The following PIEZO1 variants were observed in gnomAD, a reference collection of about 807,000 sequenced individuals.
The protein encoded by PIEZO1 is piezo type mechanosensitive ion channel component 1 (Er blood group), also known as piezo-type mechanosensitive ion channel component 1.
In PIEZO1, 296 loss-of-function variants were observed where a neutral mutation model predicts 297.2. The observed-to-expected ratio is 1.00, with a 90% CI of 0.91 to 1.10. The LOEUF (loss-of-function observed/expected upper bound fraction) is 1.10. PIEZO1 is among the 50% of genes least tolerant of loss of function. PIEZO1 has a pLI of 0.00. For missense variants in PIEZO1, 5,018 were observed against 3,455.5 expected (o/e 1.45, Z -11.34); for synonymous variants, 2,427 against 1,507.5 (o/e 1.61, Z -14.13).
chr16:88,779,011 G>A (rs1394078767), intron 1 of PIEZO1, among the ~76,000 whole-genome samples: 2 of 150,592 alleles, frequency 1.3e-5, no homozygotes, highest in Non-Finnish European at 2.9e-5. Flanking sequence ...GTTAAAAAGG[G>A]AATTTAATCT....
chr16:88,766,322 G>A (rs1318619118), intron 1 of PIEZO1, among the ~76,000 whole-genome samples: 1 of 152,220 alleles, frequency 6.6e-6, no homozygotes, highest in East Asian at 1.9e-4. Context: ...TGAGCGCACA[G>A]CCTGGACTCG....
chr16:88,725,906 C>G, intron 27 of PIEZO1: 1 of 576,794 alleles, frequency 1.7e-6, no homozygotes, highest in Non-Finnish European at 3.1e-6. Context: ...TCTGGTGGCA[C>G]CCACCCCACC....
At chr16:88,749,184 G>A (rs1023390190) in intron 2 of PIEZO1, among the ~76,000 whole-genome samples, 200 bp downstream of exon 2, 1 of 151,804 alleles carries the variant, frequency 6.6e-6, no homozygotes, top group Non-Finnish European at 1.5e-5. Flanking sequence ...AGCCTGCAGT[G>A]AGCAGAGATC....
rs754121849 is a variant in PIEZO1, at chr16:88,742,393, G to A, written c.190C>T (p.Leu64=). 3.9e-6 allele frequency: 6 copies of A among 1,535,264 alleles called. No homozygotes were observed. The South Asian group carries it at 5.9e-5, about 15-fold the overall frequency. The change falls in exon 3 of 51, where the codon CTG becomes TTG. Residue 64 remains leucine (L), a synonymous_variant. Transcript: ENST00000301015. ...GHTGRLLRAL[L]GLSLLFLVAH... is the part of the protein sequence containing the mutation. ...ACCAGGAAGAGCAGGCTGAGGCCCAGCAATGCCCGCAGGAGGCGGCCTGTG... is the reference window on the plus strand; with the variant it reads ...ACCAGGAAGAGCAGGCTGAGGCCCAACAATGCCCGCAGGAGGCGGCCTGTG...
rs144716345 is a variant in PIEZO1, at chr16:88,730,427, G to A, written c.3196+1279C>T. On this transcript the variant is annotated intron_variant, in intron 22 of 50. Transcript: ENST00000301015. ...AGCCTGGCCAAGATGGTGAAACCCCGTCTCTACTAAAAATACAAAAATTAG... is the reference window on the plus strand; with the variant it reads ...AGCCTGGCCAAGATGGTGAAACCCCATCTCTACTAAAAATACAAAAATTAG... Among the ~76,000 whole-genome samples, 459 of 151,936 alleles carry A rather than the reference G, an allele frequency of 3.0e-3. 3 individuals are homozygous for A. Among genetic ancestry groups the A allele is most frequent in the African/African-American group, 0.011 (438 of 41,416 alleles).
chr16:88,726,073 C>G, intron 27 of PIEZO1: 1 of 589,876 alleles, frequency 1.7e-6, no homozygotes, highest in South Asian at 2.1e-5. Context: ...AGCACTGCAG[C>G]CTGTGGTCTC....
intron 1 of PIEZO1, among the ~76,000 whole-genome samples, chr16:88,773,214 G>C (rs1359495702): frequency 6.6e-6 from 1 of 152,264 alleles, no homozygotes; most frequent in Non-Finnish European, 1.5e-5. Context: ...GTAACTCCCG[G>C]CGTCACGCCC....
chr16:88,738,081 C>G lies in PIEZO1; in HGVS notation c.873G>C (p.Val291=). The G allele has an allele frequency of 6.5e-7, 1 of 1,535,842 alleles. No homozygotes were observed. Among genetic ancestry groups the G allele is most frequent in the Non-Finnish European group, 8.7e-7 (1 of 1,146,862 alleles). ...GGGGGCTGGAGCAGTTGGTGGGACC[C>G]ACGAAGTCCTTGAGACCCAGCACCC... is the stretch of plus-strand genomic sequence containing the variant. The part of the protein sequence containing the change: ...WARVLGLKDF[V]GPTNCSSPHA... Residue 291 remains valine, a synonymous_variant, in exon 8 of 51, where the codon GTG becomes GTC. Transcript: ENST00000301015.
At chr16:88,742,128 C>G (rs1411945537) in intron 3 of PIEZO1, 33 bp from the exon 4 acceptor site, 1 of 1,535,018 alleles carries the variant, frequency 6.5e-7, no homozygotes, top group Admixed American at 2.0e-5. Context: ...CCAGGTCAGG[C>G]TCTGCCCAGC....
Position 88,738,553 on chromosome 16 carries a change from T to G in PIEZO1, c.634+15A>C, listed in dbSNP as rs1214925541. On this transcript the variant is annotated intron_variant, in intron 6 of 50. Coordinates refer to ENST00000301015, the MANE Select transcript of PIEZO1 (RefSeq NM_001142864.4). ...TCCCAGTGTGACTGCCAGTGCCCCC[T>G]GCCTCGGTGCGTACCTGCCAGTGCA... The G allele has an allele frequency of 2.0e-6, 3 of 1,531,740 alleles. No homozygotes were observed. The East Asian group carries it at 7.4e-5, about 38-fold the overall frequency. The allele number at this position is 1,531,740 out of a possible 1,614,324, so 94.9% of individuals were successfully genotyped here.
chr16:88,734,670 G>C lies in PIEZO1; in HGVS notation c.1977C>G (p.Leu659=). ...CTCACTGCTCGTCGGTGAAGCCAGT[G>C]AGGTTGCGCCAGTAGGCAGGGAAGT... ...FQDFPAYWRN[L]TGFTDEQLGD... The change falls in exon 15 of 51, where the codon CTC becomes CTG. Residue 659 remains leucine (L), a synonymous_variant. Coordinates refer to ENST00000301015, the MANE Select transcript of PIEZO1 (RefSeq NM_001142864.4). The C allele has an allele frequency of 1.3e-6, 2 of 1,550,298 alleles. No homozygotes were observed. Among genetic ancestry groups the C allele is most frequent in the Non-Finnish European group, 1.7e-6 (2 of 1,146,922 alleles).
intron 2 of PIEZO1, among the ~76,000 whole-genome samples, chr16:88,748,932 CAAAA>C (rs869031857): frequency 4.4e-5 from 2 of 45,222 alleles, no homozygotes; most frequent in African/African-American, 1.0e-4. Context: ...GACTCGGTCT[CAAAA>C]AAAAAAAAAA....
At chr16:88,754,263 G>A (rs944972061) in intron 1 of PIEZO1, among the ~76,000 whole-genome samples, 1 of 152,092 alleles carries the variant, frequency 6.6e-6, no homozygotes, top group Non-Finnish European at 1.5e-5. Flanking sequence ...GGGTGTCCAA[G>A]GGCTGGGCTG....
In PIEZO1 at chr16:88,727,564, G is replaced by A. The variant is rs928734845; in HGVS notation, c.3294C>T (p.Asn1098=). 3 of 1,454,178 alleles carry A rather than the reference G, an allele frequency of 2.1e-6. No individual in the cohort carries two copies. The highest frequency in any genetic ancestry group is 2.8e-6 in the Non-Finnish European group (3 of 1,068,684). 90.1% of individuals were successfully genotyped at this position (1,454,178 alleles called of 1,614,324 possible). A position where few individuals can be genotyped will look rare whatever the true frequency, so the allele number is the denominator to read the frequency against. The part of the protein sequence containing the change: ...PDFFRAPNST[N]LISDFLLLLC... ...GTGGTGGGGGGCACTCACTGATGAG[G>A]TTGGTGGAGTTGGGGGCCCGGAAGA... The change falls in exon 23 of 51, where the codon AAC becomes AAT. Residue 1098 remains asparagine, a synonymous_variant. Transcript: ENST00000301015.
chr16:88,759,898 G>A (rs920382709), intron 1 of PIEZO1, among the ~76,000 whole-genome samples: 7 of 152,176 alleles, frequency 4.6e-5, no homozygotes, highest in Non-Finnish European at 8.8e-5. Context: ...GTGTGGGGAG[G>A]GGACCTGGGG....
Position 88,716,500 on chromosome 16 carries a change from A to G in PIEZO1, c.6927-17T>C. ...GCCAGGTCCCTGGGGGTGGGAACACAGCGTGACCCACTGTAGTGGGTCCAC... is the reference window on the plus strand; with the variant it reads ...GCCAGGTCCCTGGGGGTGGGAACACGGCGTGACCCACTGTAGTGGGTCCAC... On this transcript the variant is annotated splice_polypyrimidine_tract_variant and intron_variant, in intron 47 of 50. Coordinates refer to ENST00000301015, the MANE Select transcript of PIEZO1 (RefSeq NM_001142864.4). 1 of 1,542,070 alleles carries G rather than the reference A, an allele frequency of 6.5e-7. No individual in the cohort carries two copies. Among genetic ancestry groups the G allele is most frequent in the Non-Finnish European group, 8.8e-7 (1 of 1,142,078 alleles).
At chr16:88,759,732 G>A (rs551581172) in intron 1 of PIEZO1, among the ~76,000 whole-genome samples, 1 of 152,326 alleles carries the variant, frequency 6.6e-6, no homozygotes, top group East Asian at 1.9e-4. Context: ...AAGAAGGCTG[G>A]CAAGGTTGGC....
At chr16:88,722,542 C>A in intron 35 of PIEZO1, 41 bp downstream of exon 35, 1 of 1,456,718 alleles carries the variant, frequency 6.9e-7, no homozygotes, top group Non-Finnish European at 9.2e-7. Context: ...TGCCCACACA[C>A]CAGGGGCAGC....
intron 45 of PIEZO1, 23 bp from the exon 46 acceptor site, chr16:88,716,921 G>A (rs1180505359): frequency 1.9e-6 from 3 of 1,548,472 alleles, no homozygotes; most frequent in Non-Finnish European, 2.6e-6. Flanking sequence ...CGGGGACACG[G>A]GGCCACGAAG....
Sources: allele counts gnomAD v4.1 joint callset (sites outside exome capture counted in the v4.1 genomes callset), GRCh38; gene constraint gnomAD v4.1.1; transcripts MANE v1.5; gene names NCBI Gene and HGNC (gene_info 2026-07-23, HGNC 2026-07-21).